The following ARHGEF28 variants were observed in gnomAD, a reference collection of about 807,000 sequenced individuals.
The protein encoded by ARHGEF28 is 190 kDa guanine nucleotide exchange factor.
Under a neutral mutation model 206.6 loss-of-function variants are expected in ARHGEF28, and 152 were observed. The ratio of observed to expected loss-of-function variants is 0.74; its 90% CI spans 0.64 to 0.84. The LOEUF is 0.84. ARHGEF28 is among the 40% of genes least tolerant of loss of function. ARHGEF28 has a pLI of 0.00. For missense variants in ARHGEF28, 2,028 were observed against 2,073.2 expected, an observed-to-expected ratio of 0.98 and a Z score of 0.42; for synonymous variants, 763 against 776.4, an observed-to-expected ratio of 0.98 and a Z score of 0.29.
intron 16 of ARHGEF28, 114 bp downstream of exon 16, chr5:73,858,333 A>G: frequency 7.5e-7 from 1 of 1,326,330 alleles, no homozygotes. Flanking sequence ...CACACATATG[A>G]CTGAACCGTT....
chr5:73,791,959 T>C (rs1384414510), intron 7 of ARHGEF28, among the ~76,000 whole-genome samples: 1 of 152,202 alleles, frequency 6.6e-6, no homozygotes, highest in Non-Finnish European at 1.5e-5. Context: ...CACTGTGTAA[T>C]TGGTGGTACA....
intron 13 of ARHGEF28, among the ~76,000 whole-genome samples, chr5:73,849,413 T>A (rs1260389279): frequency 6.6e-6 from 1 of 152,094 alleles, no homozygotes; most frequent in Non-Finnish European, 1.5e-5. Context: ...GGATTTTATT[T>A]GAGTAAATTA....
chr5:73,746,407 G>A (rs11749197), intron 2 of ARHGEF28, among the ~76,000 whole-genome samples: 49,643 of 151,816 alleles, frequency 0.33, 8,450 homozygotes, highest in African/African-American at 0.41. Context: ...AAACCACACA[G>A]TATGTATTAA....
intron 31 of ARHGEF28, chr5:73,901,500 GA>G (rs1762270993): frequency 2.6e-6 from 1 of 388,798 alleles, no homozygotes. Context: ...AGCAACGATT[GA>G]AAAGTTATTA....
At chr5:73,654,787 C>T (rs1241585483) in intron 1 of ARHGEF28, among the ~76,000 whole-genome samples, 2 of 152,176 alleles carry the variant, frequency 1.3e-5, no homozygotes, top group African/African-American at 4.8e-5. Flanking sequence ...CTTGTTTCTA[C>T]CCCTTGTGTG....
chr5:73,750,545 A>T (rs1476557377), intron 3 of ARHGEF28, among the ~76,000 whole-genome samples: 1 of 152,056 alleles, frequency 6.6e-6, no homozygotes, highest in South Asian at 2.1e-4. Flanking sequence ...AAATGCTTAC[A>T]TTTGGAAACC....
In ARHGEF28 at chr5:73,940,913, C is replaced by A; in HGVS notation, c.5018C>A (p.Ala1673Glu). Residue 1673 changes from alanine to glutamate, a missense_variant, in exon 36 of 36, where the codon GCG becomes GAG. Physicochemically the swap from Ala to Glu is moderately radical, Grantham distance 107. Around this residue, in one of 3 missense-constraint regions of ARHGEF28, gnomAD observed 803 missense variants for 768.0 expected, o/e 1.05. Transcript: ENST00000513042. ...AATTCACACCGCCCTCAACTGCAGG[C>A]GTTTATAACAGAAGCAAAGCTAAAT... is the stretch of plus-strand genomic sequence containing the variant. ...DSNSHRPQLQAFITEAKLNLP... is the reference protein window; with the variant it reads ...DSNSHRPQLQEFITEAKLNLP... 6.5e-7 allele frequency: 1 copy of A among 1,534,532 alleles called. No homozygotes were observed. The highest frequency in any genetic ancestry group is 8.7e-7 in the Non-Finnish European group (1 of 1,146,566).
Position 73,882,586 on chromosome 5 carries a change from TTTA to T in ARHGEF28, c.2933_2935del (p.Ile978del), listed in dbSNP as rs758946371. The T allele has an allele frequency of 1.3e-6, 2 of 1,490,354 alleles. No homozygotes were observed. Among genetic ancestry groups the T allele is most frequent in the Non-Finnish European group, 1.8e-6 (2 of 1,114,382 alleles). The allele number at this position is 1,490,354 out of a possible 1,614,324, so 92.3% of individuals were successfully genotyped here. On this transcript the variant is annotated inframe_deletion, in exon 23 of 36. Transcript: ENST00000513042. ...CCAGCAGAATAAAAAGTTTCAGAAT[TTTA>T]TTAAGGCAAGTATTTTAAAACTTTA...
intron 9 of ARHGEF28, among the ~76,000 whole-genome samples, chr5:73,809,210 A>C (rs931797585): frequency 1.3e-5 from 2 of 151,958 alleles, no homozygotes; most frequent in Non-Finnish European, 2.9e-5. Context: ...GTCTCAAAAA[A>C]AAAACAAAAC....
intron 4 of ARHGEF28, among the ~76,000 whole-genome samples, chr5:73,767,346 T>C (rs1458695388): frequency 6.6e-6 from 1 of 152,112 alleles, no homozygotes; most frequent in African/African-American, 2.4e-5. Flanking sequence ...TTTGGAGGGC[T>C]CAGAAGAAGA....
intron 9 of ARHGEF28, among the ~76,000 whole-genome samples, chr5:73,796,946 G>A (rs1353781026): frequency 1.3e-5 from 2 of 152,174 alleles, no homozygotes; most frequent in Non-Finnish European, 2.9e-5. Context: ...TGCTGGGGGA[G>A]GGAGGTAGGC....
At chr5:73,881,821 C>T (rs1445362487) in intron 22 of ARHGEF28, among the ~76,000 whole-genome samples, 1 of 152,204 alleles carries the variant, frequency 6.6e-6, no homozygotes, top group Non-Finnish European at 1.5e-5. Context: ...TGTTTTTCTA[C>T]AGGTAAGGCT....
chr5:73,827,125 A>G (rs1202213909), intron 9 of ARHGEF28, among the ~76,000 whole-genome samples: 3 of 152,228 alleles, frequency 2.0e-5, no homozygotes, highest in Non-Finnish European at 4.4e-5. Context: ...CCTTGGAGGT[A>G]AATCCTATAG....
At chr5:73,835,977 A>G (rs1287301096) in intron 10 of ARHGEF28, among the ~76,000 whole-genome samples, 1 of 152,162 alleles carries the variant, frequency 6.6e-6, no homozygotes, top group Non-Finnish European at 1.5e-5. Context: ...GAGTAAGAGA[A>G]TAGAAAAAAA....
At chr5:73,703,872 C>A (rs1748755347) in intron 2 of ARHGEF28, among the ~76,000 whole-genome samples, 1 of 151,816 alleles carries the variant, frequency 6.6e-6, no homozygotes, top group Non-Finnish European at 1.5e-5. Context: ...CCCGTCTCTA[C>A]TAAAAATACA....
chr5:73,685,291 G>A (rs1747389284), intron 2 of ARHGEF28, among the ~76,000 whole-genome samples: 1 of 152,122 alleles, frequency 6.6e-6, no homozygotes, highest in Non-Finnish European at 1.5e-5. Context: ...AAAAGTGTTG[G>A]GACATAAACA....
chr5:73,659,346 C>T lies in ARHGEF28; in HGVS notation c.-11-25495C>T, dbSNP rs564652250. Reference sequence around the variant, plus strand: ...GAGATCAAGACCATCCTGGCTAACACGGTGAAACCCCGTCTCTACTAAAAA... The same window carrying T: ...GAGATCAAGACCATCCTGGCTAACATGGTGAAACCCCGTCTCTACTAAAAA... On this transcript the variant is annotated intron_variant, in intron 1 of 35. Coordinates refer to ENST00000513042, the MANE Select transcript of ARHGEF28 (RefSeq NM_001177693.2). Among the ~76,000 whole-genome samples the T allele has an allele frequency of 6.6e-5, 10 of 152,156 alleles. No individual in the cohort carries two copies. The South Asian group carries it at 1.9e-3, about 28-fold the overall frequency.
chr5:73,883,945 G>T, intron 24 of ARHGEF28, 61 bp downstream of exon 24: 1 of 1,074,812 alleles, frequency 9.3e-7, no homozygotes. Flanking sequence ...CACAGTTGAG[G>T]TGTTCTAAAC....
In ARHGEF28 at chr5:73,677,065, A is replaced by G. The variant is rs940336805; in HGVS notation, c.-11-7776A>G. Among the ~76,000 whole-genome samples the G allele has an allele frequency of 2.0e-5, 3 of 152,248 alleles. No homozygotes were observed. The East Asian group carries it at 5.8e-4, about 29-fold the overall frequency. ...ACCAAGACCAATGCAAACAAACAGT[A>G]TACACAAAATCTGTTCTCTCTAAAT... is the stretch of plus-strand genomic sequence containing the variant. On this transcript the variant is annotated intron_variant, in intron 1 of 35. Coordinates refer to ENST00000513042, the MANE Select transcript of ARHGEF28 (RefSeq NM_001177693.2).
Sources: gnomAD v4.1 joint callset for allele counts (sites outside exome capture counted in the v4.1 genomes callset) on GRCh38, gnomAD v4.1.1 for gene constraint, gnomAD v4.1.1 regional missense constraint, MANE v1.5 for transcripts, NCBI Gene and HGNC (gene_info 2026-07-23, HGNC 2026-07-21) for gene names.